SDC1: variants seen among roughly 807,000 people sequenced by gnomAD.
The protein encoded by SDC1 is syndecan-1.
In SDC1, 14 loss-of-function variants were observed where a neutral mutation model predicts 29.7. That is an observed-to-expected ratio of 0.47 (90% confidence interval 0.31 to 0.74). The LOEUF is 0.74. Ranked by LOEUF, SDC1 falls within the 30% of genes least tolerant of loss-of-function variation. SDC1 has a pLI of 0.05. For missense variants in SDC1, 406 were observed against 400.3 expected, an observed-to-expected ratio of 1.01 and a Z score of -0.12; for synonymous variants, 204 against 175.5, an observed-to-expected ratio of 1.16 and a Z score of -1.29.
At chr2:20,218,594 T>C (rs1677710084) in intron 1 of SDC1, among the ~76,000 whole-genome samples, 1 of 132,438 alleles carries the variant, frequency 7.6e-6, no homozygotes, top group Non-Finnish European at 1.6e-5. Context: ...CACACACAGA[T>C]ACAAATATAC....
intron 1 of SDC1, among the ~76,000 whole-genome samples, chr2:20,223,577 C>A (rs1267113180): frequency 6.6e-6 from 1 of 152,110 alleles, no homozygotes; most frequent in African/African-American, 2.4e-5. Flanking sequence ...GCAGGAGGGA[C>A]CCCGGGACGC....
At chr2:20,214,748 A>G (rs184917556) in intron 1 of SDC1, among the ~76,000 whole-genome samples, 1 of 152,312 alleles carries the variant, frequency 6.6e-6, no homozygotes, top group East Asian at 1.9e-4. Context: ...GGTGTGGTGG[A>G]AGAAGAGTCT....
intron 1 of SDC1, among the ~76,000 whole-genome samples, chr2:20,205,986 C>G (rs1299623155): frequency 6.6e-6 from 1 of 152,248 alleles, no homozygotes; most frequent in Non-Finnish European, 1.5e-5. Context: ...AGGGGCAGGG[C>G]TGGGCACAAG....
Position 20,224,581 on chromosome 2 carries a change from C to T in SDC1, c.66+221G>A, listed in dbSNP as rs953795593. 4.0e-5 allele frequency among the ~76,000 whole-genome samples: 6 copies of T among 151,824 alleles called. No homozygotes were observed. Among genetic ancestry groups the T allele is most frequent in the African/African-American group, 1.4e-4 (6 of 41,392 alleles). ...AATTGAGCGCGGGGCCCCGGCCCCC[C>T]ACCCTCCCCAGCGCGGGACCGGTGC... On this transcript the variant is annotated intron_variant, in intron 1 of 4. Coordinates refer to ENST00000254351, the MANE Select transcript of SDC1 (RefSeq NM_002997.5). The surrounding 1 kb of genome is among the most constrained non-coding windows in gnomAD (Gnocchi z 4.9).
chr2:20,211,389 G>A (rs1318706111), intron 1 of SDC1, among the ~76,000 whole-genome samples: 1 of 152,234 alleles, frequency 6.6e-6, no homozygotes, highest in African/African-American at 2.4e-5. Flanking sequence ...AGAGCCCTGT[G>A]AACAAGCTCT....
At position 20,203,126 on chromosome 2, in the gene SDC1, C is replaced by G; in HGVS notation, c.724G>C (p.Ala242Pro). ...QSPVDQGATG[A>P]SQGLLDRKEV... The stretch of plus-strand genomic sequence containing the variant: ...TTCCTGTCCAGGAGGCCCTGTGAGG[C>G]CCCCGTGGCCCCCTGATCCACTGGG... The change falls in exon 4 of 5, where the codon GCC (alanine) becomes CCC (proline). Residue 242 changes from alanine (A) to proline (P), a missense_variant. Transcript: ENST00000254351. The G allele has an allele frequency of 6.2e-7, 1 of 1,611,756 alleles. No individual in the cohort carries two copies.
Position 20,202,455 on chromosome 2 carries a change from G to A in SDC1, c.*311C>T. On this transcript the variant is annotated 3_prime_UTR_variant, in exon 5 of 5. Coordinates refer to ENST00000254351, the MANE Select transcript of SDC1 (RefSeq NM_002997.5). ...AGCAGTCGGATCCCCCTCCCCTCCA[G>A]AGCTGGACCTGGGGAGAGGCTGCTT... is the stretch of plus-strand genomic sequence containing the variant. 2 of 598,194 alleles carry A rather than the reference G, an allele frequency of 3.3e-6. No individual in the cohort carries two copies. Among genetic ancestry groups the A allele is most frequent in the Non-Finnish European group, 6.0e-6 (2 of 335,552 alleles). 37.1% of individuals were successfully genotyped at this position (598,194 alleles called of 1,614,324 possible). A position where few individuals can be genotyped will look rare whatever the true frequency, so the allele number is the denominator to read the frequency against.
At position 20,209,764 on chromosome 2, in the gene SDC1, T is replaced by C. The variant is rs114912847; in HGVS notation, c.67-4340A>G. On this transcript the variant is annotated intron_variant, in intron 1 of 4. Coordinates refer to ENST00000254351, the MANE Select transcript of SDC1 (RefSeq NM_002997.5). ...TCCGTCTCAGCAGAGCCCCTTGTCCTGGCCAGCCCTGGGGCTAAGGGGCAG... is the reference window on the plus strand; with the variant it reads ...TCCGTCTCAGCAGAGCCCCTTGTCCCGGCCAGCCCTGGGGCTAAGGGGCAG... Among the ~76,000 whole-genome samples, 589 of 152,366 alleles carry C rather than the reference T, an allele frequency of 3.9e-3. 1 individual carries two copies. Among genetic ancestry groups the C allele is most frequent in the African/African-American group, 0.013 (552 of 41,598 alleles).
intron 1 of SDC1, among the ~76,000 whole-genome samples, chr2:20,208,796 AG>A (rs1175577320): frequency 1.2e-4 from 19 of 152,354 alleles, no homozygotes; most frequent in African/African-American, 4.3e-4. Flanking sequence ...TGCCCTGCCC[AG>A]GAAGGCAACA....
chr2:20,211,026 G>T (rs1677449463), intron 1 of SDC1, among the ~76,000 whole-genome samples: 1 of 152,106 alleles, frequency 6.6e-6, no homozygotes, highest in Non-Finnish European at 1.5e-5. Context: ...AGGACTCTTG[G>T]GGGCTGATAT....
chr2:20,223,651 G>T (rs1252690584), intron 1 of SDC1, among the ~76,000 whole-genome samples: 1 of 152,212 alleles, frequency 6.6e-6, no homozygotes, highest in Non-Finnish European at 1.5e-5. Context: ...CGGGCGGCCC[G>T]CGCTGACACC....
Position 20,224,786 on chromosome 2 carries a change from C to A in SDC1, c.66+16G>T. Reference sequence around the variant, plus strand: ...GCTTCCCGCCGCCTCCCCGCCTGGCCGCCGGCCGCACTCACCGGCAGGGCC... The same window carrying A: ...GCTTCCCGCCGCCTCCCCGCCTGGCAGCCGGCCGCACTCACCGGCAGGGCC... On this transcript the variant is annotated intron_variant, in intron 1 of 4. Coordinates refer to ENST00000254351, the MANE Select transcript of SDC1 (RefSeq NM_002997.5). This position sits in a 1 kb window ranked among gnomAD's most constrained non-coding sequence, Gnocchi z 4.9. 7.7e-7 allele frequency: 1 copy of A among 1,306,366 alleles called. No homozygotes were observed. The highest frequency in any genetic ancestry group is 9.7e-7 in the Non-Finnish European group (1 of 1,026,956). The allele number at this position is 1,306,366 out of a possible 1,614,324, so 80.9% of individuals were successfully genotyped here. A position where few individuals can be genotyped will look rare whatever the true frequency, so the allele number is the denominator to read the frequency against.
chr2:20,223,924 C>A (rs1440755568), intron 1 of SDC1, among the ~76,000 whole-genome samples: 2 of 152,148 alleles, frequency 1.3e-5, no homozygotes. Flanking sequence ...TCCACATCTG[C>A]CCCTCTTTTC....
chr2:20,202,913 C>T lies in SDC1; in HGVS notation c.786G>A (p.Val262=), dbSNP rs1448362379. ...VLGGVIAGGL[V]GLIFAVCLVG... ...CCAGGCACACAGCAAAGATGAGCCCCACGAGGCCTCCGGCAATGACCCCTA... is the reference window on the plus strand; with the variant it reads ...CCAGGCACACAGCAAAGATGAGCCCTACGAGGCCTCCGGCAATGACCCCTA... The change falls in exon 5 of 5, where the codon GTG becomes GTA. Residue 262 remains valine, a synonymous_variant. Transcript: ENST00000254351. 3.1e-6 allele frequency: 5 copies of T among 1,612,532 alleles called. No homozygotes were observed. The highest frequency in any genetic ancestry group is 4.2e-6 in the Non-Finnish European group (5 of 1,179,288).
intron 1 of SDC1, chr2:20,223,069 G>C: frequency 5.4e-6 from 2 of 368,192 alleles, no homozygotes; most frequent in South Asian, 4.2e-5. Flanking sequence ...TGAAAGCCAG[G>C]AGTGCATGAG....
chr2:20,212,899 C>T (rs1435400983), intron 1 of SDC1, among the ~76,000 whole-genome samples: 2 of 152,146 alleles, frequency 1.3e-5, no homozygotes, highest in Non-Finnish European at 2.9e-5. Flanking sequence ...GGTGGAGGGA[C>T]GGCATTCACA....
intron 1 of SDC1, among the ~76,000 whole-genome samples, chr2:20,220,054 C>T (rs1163664880): frequency 2.0e-5 from 3 of 152,256 alleles, no homozygotes; most frequent in Non-Finnish European, 4.4e-5. Flanking sequence ...CAGGCCCCTC[C>T]ACACCCAGTC....
At chr2:20,218,791 AG>A (rs1005856531) in intron 1 of SDC1, among the ~76,000 whole-genome samples, 7 of 151,734 alleles carry the variant, frequency 4.6e-5, no homozygotes, top group Admixed American at 1.3e-4. Flanking sequence ...GGAGACACAC[AG>A]ATATACACAC....
At chr2:20,216,341 G>A (rs1013216541) in intron 1 of SDC1, among the ~76,000 whole-genome samples, 6 of 152,076 alleles carry the variant, frequency 3.9e-5, no homozygotes, top group African/African-American at 9.7e-5. Flanking sequence ...AGGTCTTGCC[G>A]CCCGGACCCT....
Sources: gnomAD v4.1 joint callset for allele counts (sites outside exome capture counted in the v4.1 genomes callset) on GRCh38, gnomAD v4.1.1 for gene constraint, Gnocchi (gnomAD v3.1) non-coding constraint, MANE v1.5 for transcripts, NCBI Gene and HGNC (gene_info 2026-07-23, HGNC 2026-07-21) for gene names.